RTN4R: variants seen among roughly 807,000 people sequenced by gnomAD.
The protein encoded by RTN4R is reticulon-4 receptor.
RTN4R carries 4 observed loss-of-function variants against 27.7 expected under a neutral mutation model. The ratio of observed to expected loss-of-function variants is 0.14; its 90% CI spans 0.07 to 0.33. The LOEUF is 0.33. RTN4R is among the 10% of genes least tolerant of loss of function. The pLI is 1.00. For synonymous variants in RTN4R, 290 were observed against 305.6 expected (o/e 0.95, Z 0.53); for missense variants, 554 against 671.5 (o/e 0.83, Z 1.93).
chr22:20,251,029 G>C (rs2145977294), intron 1 of RTN4R, among the ~76,000 whole-genome samples: 1 of 152,322 alleles, frequency 6.6e-6, no homozygotes, highest in South Asian at 2.1e-4. Flanking sequence ...GTTTAACTGA[G>C]GTAGGGGGTC....
At position 20,241,584 on chromosome 22, in the gene RTN4R, G is replaced by A. The variant is rs962640175; in HGVS notation, c.*127C>T. On this transcript the variant is annotated 3_prime_UTR_variant, in exon 2 of 2. Coordinates refer to ENST00000043402, the MANE Select transcript of RTN4R (RefSeq NM_023004.6). ...GAGATGGGGGTGGCGGGCGGCAGGC[G>A]TCCATCAGGGAGGACCTGGCCTGGC... 2.9e-5 allele frequency: 29 copies of A among 1,005,114 alleles called. No individual in the cohort carries two copies. Among genetic ancestry groups the A allele is most frequent in the South Asian group, 2.3e-4 (15 of 63,902 alleles). 62.3% of individuals were successfully genotyped at this position (1,005,114 alleles called of 1,614,324 possible).
chr22:20,248,528 G>A (rs2051155606), intron 1 of RTN4R, among the ~76,000 whole-genome samples: 1 of 152,204 alleles, frequency 6.6e-6, no homozygotes, highest in Admixed American at 6.5e-5. Flanking sequence ...GGGCCACACC[G>A]TGCAGGATCA....
chr22:20,247,904 C>A (rs2051151090), intron 1 of RTN4R, among the ~76,000 whole-genome samples: 1 of 152,194 alleles, frequency 6.6e-6, no homozygotes, highest in Admixed American at 6.5e-5. Context: ...GGACTGGCCT[C>A]CTGAGTGTGC....
chr22:20,243,247 C>T, intron 1 of RTN4R, 137 bp from the exon 2 acceptor site: 1 of 795,504 alleles, frequency 1.3e-6, no homozygotes, highest in Non-Finnish European at 2.0e-6. Flanking sequence ...GGCCACCACC[C>T]CCGGGAATCG....
intron 1 of RTN4R, among the ~76,000 whole-genome samples, chr22:20,263,567 G>C (rs1199733427): frequency 6.6e-6 from 1 of 152,216 alleles, no homozygotes; most frequent in Non-Finnish European, 1.5e-5. Context: ...GGCACCCGGG[G>C]GCCCAGGGCA....
Position 20,241,896 on chromosome 22 carries a change from G to A in RTN4R, c.1237C>T (p.Pro413Ser). The A allele has an allele frequency of 6.2e-7, 1 of 1,605,922 alleles. No individual in the cohort carries two copies. Among genetic ancestry groups the A allele is most frequent in the Non-Finnish European group, 8.5e-7 (1 of 1,176,750 alleles). ...CGTGAACAGCCTGGCCTCCGGCGAG[G>A]GCCCGAGGTGGGGAACCCTGGTGGC... Reference protein sequence around the residue: ...SEPPGFPTSGPRRRPGCSRKN... With the variant: ...SEPPGFPTSGSRRRPGCSRKN... Residue 413 changes from proline to serine, a missense_variant, in exon 2 of 2, where the codon CCT becomes TCT. By Grantham distance (74) the Pro-to-Ser change is moderately conservative. Around this residue, in one of 2 missense-constraint regions of RTN4R, gnomAD observed 141 missense variants for 129.2 expected, o/e 1.09. Coordinates refer to ENST00000043402, the MANE Select transcript of RTN4R (RefSeq NM_023004.6).
At chr22:20,246,846 G>A (rs929877192) in intron 1 of RTN4R, among the ~76,000 whole-genome samples, 3 of 152,240 alleles carry the variant, frequency 2.0e-5, no homozygotes, top group African/African-American at 7.2e-5. Flanking sequence ...CCTGGGCTGG[G>A]ATCACCGGAG....
At chr22:20,249,273 T>C (rs570627728) in intron 1 of RTN4R, 1 of 521,102 alleles carries the variant, frequency 1.9e-6, no homozygotes, top group Admixed American at 2.0e-5. Context: ...CTGAGCCAGG[T>C]CTGGGCCCAG....
intron 1 of RTN4R, chr22:20,243,550 G>C: frequency 2.2e-6 from 1 of 457,804 alleles, no homozygotes; most frequent in Non-Finnish European, 4.5e-6. Context: ...AATGGGGCTG[G>C]GGTCCCTCTG....
intron 1 of RTN4R, among the ~76,000 whole-genome samples, chr22:20,260,441 A>C (rs1319314395): frequency 6.6e-6 from 1 of 152,154 alleles, no homozygotes; most frequent in Non-Finnish European, 1.5e-5. Flanking sequence ...AGGAGGGGGC[A>C]CCAGGGCTGA....
intron 1 of RTN4R, among the ~76,000 whole-genome samples, chr22:20,266,316 C>T (rs2051276242): frequency 6.6e-6 from 1 of 152,238 alleles, no homozygotes; most frequent in East Asian, 1.9e-4. Flanking sequence ...CCTGCCAATC[C>T]AAGCCCCAGC....
chr22:20,243,049 T>G lies in RTN4R; in HGVS notation c.84A>C (p.Pro28=), dbSNP rs141485735. The stretch of plus-strand genomic sequence containing the variant: ...GCTCATTGTAGCATACGCAGGCACC[T>G]GGGCATGGGGCTGCCACCTGCCAGG... ...LQAWQVAAPC[P]GACVCYNEPK... Residue 28 remains proline, a synonymous_variant, in exon 2 of 2, where the codon CCA becomes CCC. Transcript: ENST00000043402. 3 of 1,602,080 alleles carry G rather than the reference T, an allele frequency of 1.9e-6. No individual in the cohort carries two copies. In the African/African-American group the frequency reaches 4.0e-5, roughly 21 times the overall value.
In RTN4R at chr22:20,261,602, A is replaced by G. The variant is rs560096758; in HGVS notation, c.22+6469T>C. Among the ~76,000 whole-genome samples, 63 of 152,316 alleles carry G rather than the reference A, an allele frequency of 4.1e-4. No homozygotes were observed. In the South Asian group the frequency reaches 0.012, roughly 30 times the overall value. ...GGCTGGGCCAACTGATCTGCACCTA[A>G]CAGCCAGTCTTGAAGGCCACCAACC... On this transcript the variant is annotated intron_variant, in intron 1 of 1. Transcript: ENST00000043402.
chr22:20,248,943 T>C (rs1407374772), intron 1 of RTN4R, among the ~76,000 whole-genome samples: 1 of 151,916 alleles, frequency 6.6e-6, no homozygotes, highest in African/African-American at 2.4e-5. Flanking sequence ...TCACTGGAGG[T>C]GCACCCTCCT....
At chr22:20,256,049 C>A (rs1232798817) in intron 1 of RTN4R, among the ~76,000 whole-genome samples, 1 of 152,242 alleles carries the variant, frequency 6.6e-6, no homozygotes, top group African/African-American at 2.4e-5. Flanking sequence ...GGCTTCTCAT[C>A]CACGAGGGTG....
At chr22:20,264,205 G>A (rs2051264258) in intron 1 of RTN4R, among the ~76,000 whole-genome samples, 1 of 152,252 alleles carries the variant, frequency 6.6e-6, no homozygotes, top group Non-Finnish European at 1.5e-5. Flanking sequence ...AGGCAGTGCA[G>A]GAGGCCGGTG....
chr22:20,252,656 C>A (rs958564910), intron 1 of RTN4R, among the ~76,000 whole-genome samples: 2 of 152,156 alleles, frequency 1.3e-5, no homozygotes, highest in African/African-American at 2.4e-5. Context: ...CCAGAGCAGA[C>A]CCTGAGCCCC....
In RTN4R at chr22:20,242,545, G is replaced by A. The variant is rs778595722; in HGVS notation, c.588C>T (p.Arg196=). ...HGNRISSVPE[R]AFRGLHSLDR... is the part of the protein sequence containing the mutation. ...CGAGGCTGTGCAGCCCACGGAAGGCGCGCTCGGGCACGCTGGAGATGCGGT... is the reference window on the plus strand; with the variant it reads ...CGAGGCTGTGCAGCCCACGGAAGGCACGCTCGGGCACGCTGGAGATGCGGT... Residue 196 remains arginine, a synonymous_variant, in exon 2 of 2, where the codon CGC becomes CGT. Coordinates refer to ENST00000043402, the MANE Select transcript of RTN4R (RefSeq NM_023004.6). 22 of 1,613,588 alleles carry A rather than the reference G, an allele frequency of 1.4e-5. No homozygotes were observed. Among genetic ancestry groups the A allele is most frequent in the Admixed American group, 3.3e-5 (2 of 60,032 alleles).
chr22:20,248,439 A>G (rs2051155066), intron 1 of RTN4R, among the ~76,000 whole-genome samples: 1 of 152,272 alleles, frequency 6.6e-6, no homozygotes, highest in African/African-American at 2.4e-5. Flanking sequence ...ACAGACACTG[A>G]AGCTAGCAGA....
Sources: gnomAD v4.1 joint callset for allele counts (sites outside exome capture counted in the v4.1 genomes callset) on GRCh38, gnomAD v4.1.1 for gene constraint, gnomAD v4.1.1 regional missense constraint, MANE v1.5 for transcripts, NCBI Gene and HGNC (gene_info 2026-07-23, HGNC 2026-07-21) for gene names.